The following TECPR2 variants were observed in gnomAD, a reference collection of about 807,000 sequenced individuals.
The protein encoded by TECPR2 is tectonin beta-propeller repeat-containing protein 2.
In TECPR2, 65 loss-of-function variants were observed where a neutral mutation model predicts 138.1. That is an observed-to-expected ratio of 0.47 (90% CI 0.39 to 0.58). TECPR2 has a LOEUF of 0.58. Ranked by LOEUF, TECPR2 falls within the 20% of genes least tolerant of loss-of-function variation. The pLI, the probability that TECPR2 is intolerant of heterozygous loss-of-function variation, is 0.00. For synonymous variants in TECPR2, 746 were observed against 749.8 expected, an observed-to-expected ratio of 0.99 and a Z score of 0.08; for missense variants, 1,553 against 1,824.5, an observed-to-expected ratio of 0.85 and a Z score of 2.71.
In TECPR2 at chr14:102,425,397, G is replaced by C. The variant is rs1318760893; in HGVS notation, c.951+106G>C. On this transcript the variant is annotated intron_variant, in intron 6 of 19. Coordinates refer to ENST00000359520, the MANE Select transcript of TECPR2 (RefSeq NM_014844.5). ...TCAGAATGCTACCAGGAGCAGTATT[G>C]ACTTACACTTTACTTTTTCCTTTGG... is the stretch of plus-strand genomic sequence containing the variant. 7.1e-6 allele frequency: 8 copies of C among 1,122,328 alleles called. No homozygotes were observed. In the East Asian group the frequency reaches 2.2e-4, roughly 31 times the overall value. 69.5% of individuals were successfully genotyped at this position (1,122,328 alleles called of 1,614,324 possible).
chr14:102,492,905 C>T (rs1045100768), intron 17 of TECPR2, among the ~76,000 whole-genome samples: 1 of 152,180 alleles, frequency 6.6e-6, no homozygotes. Context: ...AGCCCGGAAG[C>T]GAGAGAGCCA....
At chr14:102,487,752 A>T (rs1352489972) in intron 17 of TECPR2, among the ~76,000 whole-genome samples, 1 of 151,398 alleles carries the variant, frequency 6.6e-6, no homozygotes, top group Non-Finnish European at 1.5e-5. Flanking sequence ...TGTGTTAGCC[A>T]GGATGGTCTC....
chr14:102,385,772 G>A (rs1887980264), intron 2 of TECPR2, among the ~76,000 whole-genome samples: 1 of 151,560 alleles, frequency 6.6e-6, no homozygotes, highest in Admixed American at 6.6e-5. Flanking sequence ...CCATCTCTAC[G>A]AAAGAATACA....
chr14:102,435,259 A>T (rs1486902387), intron 9 of TECPR2, 48 bp downstream of exon 9: 1 of 1,539,228 alleles, frequency 6.5e-7, no homozygotes, highest in African/African-American at 1.4e-5. Flanking sequence ...TTCTTTCTTA[A>T]GGGTAATAAT....
intron 17 of TECPR2, among the ~76,000 whole-genome samples, chr14:102,493,324 C>T (rs1017747682): frequency 2.6e-5 from 4 of 152,098 alleles, no homozygotes; most frequent in Non-Finnish European, 4.4e-5. Context: ...CTTCTCCACG[C>T]GGCCTTCCGA....
At chr14:102,455,024 C>G (rs1240555447) in intron 16 of TECPR2, among the ~76,000 whole-genome samples, 2 of 152,292 alleles carry the variant, frequency 1.3e-5, no homozygotes, top group East Asian at 1.9e-4. Context: ...GTGCAGGTCT[C>G]TAAGGTGTGT....
chr14:102,380,627 A>G (rs527739150), intron 2 of TECPR2, among the ~76,000 whole-genome samples: 1 of 152,352 alleles, frequency 6.6e-6, no homozygotes, highest in South Asian at 2.1e-4. Context: ...GACACAGCCA[A>G]ACCATATCAG....
intron 19 of TECPR2, 81 bp from the exon 20 acceptor site, chr14:102,498,022 C>CGCCCAATCTCCCAGCTCCATCTGT: frequency 6.6e-7 from 1 of 1,510,184 alleles, no homozygotes; most frequent in Non-Finnish European, 8.9e-7. Context: ...CCCAGACCTG[C>CGCCCAATCTCCCAGCTCCATCTGT]GCCCAAGCTC....
intron 4 of TECPR2, among the ~76,000 whole-genome samples, chr14:102,410,966 T>C (rs1488166494): frequency 6.6e-6 from 1 of 152,306 alleles, no homozygotes; most frequent in Non-Finnish European, 1.5e-5. Context: ...GTCCCAATTC[T>C]TAGACCTTTT....
At chr14:102,486,278 G>A (rs977523105) in intron 17 of TECPR2, among the ~76,000 whole-genome samples, 1 of 152,088 alleles carries the variant, frequency 6.6e-6, no homozygotes, top group Non-Finnish European at 1.5e-5. Context: ...ATGTTTTTTA[G>A]CAGTGGGACC....
chr14:102,376,275 A>G (rs1027398791), intron 1 of TECPR2, among the ~76,000 whole-genome samples: 2 of 152,060 alleles, frequency 1.3e-5, no homozygotes, highest in African/African-American at 4.8e-5. Flanking sequence ...TCTAATCCCC[A>G]CTGATCTCTC....
rs185098134 is a variant in TECPR2, at chr14:102,374,415, T to C, written c.-72-2235T>C. 9.7e-4 allele frequency among the ~76,000 whole-genome samples: 147 copies of C among 152,256 alleles called. 1 individual carries two copies. The South Asian group carries it at 0.013, about 13-fold the overall frequency. ...CAGTGTCTCACTCTGTCACTCGGGC[T>C]AGAGTGCAGTGACACAGTCATAGCT... is the stretch of plus-strand genomic sequence containing the variant. On this transcript the variant is annotated intron_variant, in intron 1 of 19. Transcript: ENST00000359520.
At chr14:102,478,580 T>G (rs1890818858) in intron 17 of TECPR2, among the ~76,000 whole-genome samples, 1 of 151,318 alleles carries the variant, frequency 6.6e-6, no homozygotes, top group African/African-American at 2.4e-5. Context: ...ACTGGGGAGG[T>G]TGAGGCTGCA....
In TECPR2 at chr14:102,438,033, C is replaced by A. The variant is rs770934134; in HGVS notation, c.2406C>A (p.Ser802Arg). The change falls in exon 10 of 20, where the codon AGC becomes AGA. Residue 802 changes from serine (S) to arginine (R), a missense_variant. Coordinates refer to ENST00000359520, the MANE Select transcript of TECPR2 (RefSeq NM_014844.5). ...TCTTCCCTTGTTAGTTTGCAGAAAGCTGGATGGGCTACTCGGGTCCCGGCT... is the reference window on the plus strand; with the variant it reads ...TCTTCCCTTGTTAGTTTGCAGAAAGATGGATGGGCTACTCGGGTCCCGGCT... ...GLLKPDQFAE[S>R]WMGYSGPGYG... 1.6e-5 allele frequency: 26 copies of A among 1,613,648 alleles called. No individual in the cohort carries two copies. The highest frequency in any genetic ancestry group is 2.2e-5 in the Non-Finnish European group (26 of 1,179,786).
chr14:102,434,101 G>A, intron 8 of TECPR2, 134 bp from the exon 9 acceptor site: 4 of 743,584 alleles, frequency 5.4e-6, no homozygotes, highest in Non-Finnish European at 7.4e-6. Flanking sequence ...TTGTACTTAA[G>A]AGGTTTATTC....
At chr14:102,374,313 C>T (rs1262207122) in intron 1 of TECPR2, among the ~76,000 whole-genome samples, 1 of 152,144 alleles carries the variant, frequency 6.6e-6, no homozygotes, top group Non-Finnish European at 1.5e-5. Context: ...CCAGAAAGCA[C>T]AGCCTTTGTT....
At chr14:102,384,313 T>C (rs911967466) in intron 2 of TECPR2, among the ~76,000 whole-genome samples, 4 of 152,122 alleles carry the variant, frequency 2.6e-5, no homozygotes, top group Admixed American at 1.3e-4. Flanking sequence ...ATTGGGCAGC[T>C]GCATCTGGTG....
chr14:102,479,760 C>T (rs1890844843), intron 17 of TECPR2, among the ~76,000 whole-genome samples: 1 of 152,176 alleles, frequency 6.6e-6, no homozygotes, highest in Admixed American at 6.5e-5. Context: ...GTACAAGTGC[C>T]TCTTGGTCTC....
At chr14:102,442,888 T>G (rs1889871532) in intron 11 of TECPR2, among the ~76,000 whole-genome samples, 1 of 152,254 alleles carries the variant, frequency 6.6e-6, no homozygotes, top group Admixed American at 6.5e-5. Context: ...TGAGCTCATT[T>G]AGACATACTT....
Sources: allele counts gnomAD v4.1 joint callset (sites outside exome capture counted in the v4.1 genomes callset), GRCh38; gene constraint gnomAD v4.1.1; transcripts MANE v1.5; gene names NCBI Gene and HGNC (gene_info 2026-07-23, HGNC 2026-07-21).